Variants in TADA2A observed in about 807,000 individuals in gnomAD.
The protein encoded by TADA2A is transcriptional adaptor 2A, also known as transcriptional adapter 2-alpha.
A neutral mutation model predicts 67.4 loss-of-function variants in TADA2A; 38 were observed. The ratio of observed to expected loss-of-function variants is 0.56; its 90% CI spans 0.44 to 0.74. The LOEUF is 0.74. Among genes scored for constraint, TADA2A ranks in the 30% least tolerant of loss-of-function variants. The pLI is 0.00. For missense variants in TADA2A, 454 were observed against 547.0 expected (o/e 0.83, Z 1.70); for synonymous variants, 192 against 181.6 (o/e 1.06, Z -0.46).
chr17:37,468,148 C>T (rs1047596004), intron 12 of TADA2A, among the ~76,000 whole-genome samples: 2 of 151,704 alleles, frequency 1.3e-5, no homozygotes, highest in Admixed American at 6.6e-5. Flanking sequence ...GATACATGGT[C>T]TTAGCATTTT....
At chr17:37,466,564 C>T (rs1390656675) in intron 11 of TADA2A, among the ~76,000 whole-genome samples, 2 of 152,172 alleles carry the variant, frequency 1.3e-5, no homozygotes, top group African/African-American at 2.4e-5. Flanking sequence ...GGCCCTTATT[C>T]TCACCGTGAA....
chr17:37,468,806 G>A (rs542214685), intron 12 of TADA2A, among the ~76,000 whole-genome samples: 1 of 152,196 alleles, frequency 6.6e-6, no homozygotes, highest in South Asian at 2.1e-4. Flanking sequence ...TGCTGTCATT[G>A]TTGAAATGAT....
At chr17:37,410,739 C>G (rs2051839811) in intron 1 of TADA2A, among the ~76,000 whole-genome samples, 1 of 152,144 alleles carries the variant, frequency 6.6e-6, no homozygotes, top group Admixed American at 6.6e-5. Flanking sequence ...CCTTTCATGT[C>G]TTACTCAAGA....
chr17:37,447,617 A>G (rs1292140188), intron 8 of TADA2A, among the ~76,000 whole-genome samples: 5 of 152,210 alleles, frequency 3.3e-5, no homozygotes, highest in Admixed American at 3.3e-4. Context: ...CCTCTAAAAA[A>G]TAAAAAAGAT....
At chr17:37,441,563 G>C (rs185428291) in intron 6 of TADA2A, among the ~76,000 whole-genome samples, 28 of 152,178 alleles carry the variant, frequency 1.8e-4, no homozygotes, top group Admixed American at 1.5e-3. Context: ...ATGACTCTCA[G>C]GGTACAAGTA....
At chr17:37,437,970 C>G in intron 5 of TADA2A, 141 bp downstream of exon 5, 1 of 715,724 alleles carries the variant, frequency 1.4e-6, no homozygotes, top group Non-Finnish European at 2.4e-6. Flanking sequence ...CAAGTTAGTC[C>G]CCTCTGTACA....
rs932546581 is a variant in TADA2A at position 37,411,300 on chromosome 17, CGGTTCTGAA to C, written c.-64_-56del. On this transcript the variant is annotated 5_prime_UTR_variant, in exon 2 of 16. Coordinates refer to ENST00000615182, the MANE Select transcript of TADA2A (RefSeq NM_001166105.3). ...ATCAAGCTTTGGTGTATGTGTTGGC[CGGTTCTGAA>C]GTCTTGAAGAAGCTCTGCTGAGGAA... 32 of 1,530,900 alleles carry C rather than the reference CGGTTCTGAA, an allele frequency of 2.1e-5. No individual in the cohort carries two copies. The highest frequency in any genetic ancestry group is 2.9e-5 in the Non-Finnish European group (32 of 1,105,512). 94.8% of individuals were successfully genotyped at this position (1,530,900 alleles called of 1,614,324 possible).
chr17:37,432,244 A>G (rs1456750052), intron 4 of TADA2A, among the ~76,000 whole-genome samples: 1 of 151,870 alleles, frequency 6.6e-6, no homozygotes, highest in African/African-American at 2.4e-5. Flanking sequence ...GGCTCACTGC[A>G]ACCTCCGCCT....
At chr17:37,414,115 C>CAA (rs1395102749) in intron 2 of TADA2A, among the ~76,000 whole-genome samples, 2 of 152,174 alleles carry the variant, frequency 1.3e-5, no homozygotes, top group African/African-American at 4.8e-5. Flanking sequence ...CATGTTGCTG[C>CAA]AAAGGATGTG....
At chr17:37,464,811 C>T (rs2053625679) in intron 10 of TADA2A, among the ~76,000 whole-genome samples, 1 of 143,562 alleles carries the variant, frequency 7.0e-6, no homozygotes, top group South Asian at 2.3e-4. Context: ...TGCACTCCAG[C>T]CTGGGCCACA....
chr17:37,472,248 T>G (rs2053803829), intron 14 of TADA2A, among the ~76,000 whole-genome samples: 1 of 151,654 alleles, frequency 6.6e-6, no homozygotes, highest in Non-Finnish European at 1.5e-5. Context: ...GTACTTTCAG[T>G]AGAGATGGGG....
chr17:37,465,326 T>G (rs2053640358), intron 10 of TADA2A, 105 bp from the exon 11 acceptor site: 2 of 813,168 alleles, frequency 2.5e-6, no homozygotes, highest in African/African-American at 3.4e-5. Context: ...TATGAGGTTA[T>G]GAATAATGTT....
chr17:37,445,581 C>G (rs1224790821), intron 8 of TADA2A, among the ~76,000 whole-genome samples: 2 of 152,176 alleles, frequency 1.3e-5, no homozygotes, highest in African/African-American at 4.8e-5. Context: ...TTGCTGAATT[C>G]TAATCTTTGA....
At chr17:37,418,106 GAACAA>G (rs1307826500) in intron 2 of TADA2A, among the ~76,000 whole-genome samples, 1 of 152,062 alleles carries the variant, frequency 6.6e-6, no homozygotes. Flanking sequence ...TAAACGTTCT[GAACAA>G]AACAAAATAC....
rs775108012 is a variant in TADA2A at position 37,479,385 on chromosome 17, G to T, written c.*2403G>T. 6.6e-6 allele frequency: 1 copy of T among 152,122 alleles called. No individual in the cohort carries two copies. The highest frequency in any genetic ancestry group is 1.5e-5 in the Non-Finnish European group (1 of 68,022). 9.4% of individuals were successfully genotyped at this position (152,122 alleles called of 1,614,324 possible). On this transcript the variant is annotated 3_prime_UTR_variant, in exon 16 of 16. Transcript: ENST00000615182. ...GCAAATCAGATTTCATGAGGAAAAT[G>T]GCATGGTTGAAAATAGTAATAGAAA...
chr17:37,439,922 A>T (rs1451659204), intron 5 of TADA2A, among the ~76,000 whole-genome samples: 4 of 97,864 alleles, frequency 4.1e-5, no homozygotes, highest in African/African-American at 1.9e-4. Flanking sequence ...TTATTTATTT[A>T]TTTATTTATT....
chr17:37,467,322 G>T, intron 11 of TADA2A, 132 bp from the exon 12 acceptor site: 1 of 674,688 alleles, frequency 1.5e-6, no homozygotes, highest in African/African-American at 1.9e-5. Flanking sequence ...AGTTACCAAC[G>T]AGTAGGATTC....
chr17:37,449,250 T>G (rs2053167059), intron 8 of TADA2A, among the ~76,000 whole-genome samples: 1 of 152,136 alleles, frequency 6.6e-6, no homozygotes, highest in East Asian at 1.9e-4. Flanking sequence ...CTCGATCTCC[T>G]GACCTCATGG....
intron 4 of TADA2A, among the ~76,000 whole-genome samples, chr17:37,436,158 C>A (rs1301183429): frequency 1.3e-5 from 2 of 152,010 alleles, no homozygotes; most frequent in Non-Finnish European, 2.9e-5. Context: ...ATACACTAAT[C>A]TCAAAATAAC....
Sources: allele counts gnomAD v4.1 joint callset (sites outside exome capture counted in the v4.1 genomes callset), GRCh38; gene constraint gnomAD v4.1.1; transcripts MANE v1.5; gene names NCBI Gene and HGNC (gene_info 2026-07-23, HGNC 2026-07-21).